Variants in ABCC4 observed in about 807,000 individuals in gnomAD.
The protein encoded by ABCC4 is ATP binding cassette subfamily C member 4 (PEL blood group), also known as ATP-binding cassette sub-family C member 4.
ABCC4 carries 102 observed loss-of-function variants against 168.5 expected under a neutral mutation model. The ratio of observed to expected loss-of-function variants is 0.61; its 90% CI spans 0.52 to 0.71. The LOEUF (loss-of-function observed/expected upper bound fraction) is 0.71, where lower values mean the gene tolerates loss of function less well. ABCC4 is among the 30% of genes least tolerant of loss of function. The pLI, the probability that ABCC4 is intolerant of heterozygous loss-of-function variation, is 0.00. For missense variants in ABCC4, 1,402 were observed against 1,605.8 expected, an observed-to-expected ratio of 0.87 and a Z score of 2.17; for synonymous variants, 617 against 590.7, an observed-to-expected ratio of 1.04 and a Z score of -0.65.
chr13:95,209,489 G>C lies in ABCC4; in HGVS notation c.730C>G (p.Leu244Val), dbSNP rs1370867054. The C allele has an allele frequency of 3.1e-5, 50 of 1,614,194 alleles. No homozygotes were observed. Among genetic ancestry groups the C allele is most frequent in the Non-Finnish European group, 4.2e-5 (49 of 1,180,014 alleles). ...GISCLAGMAV[L>V]IILLPLQSCF... ...CTTTGCAAGGGCAGGAGAATGATTA[G>C]AACTGCCATCCCAGCAAGGCACGAT... Residue 244 changes from leucine to valine, a missense_variant, in exon 6 of 31, where the codon CTA (leucine) becomes GTA (valine). Coordinates refer to ENST00000645237, the MANE Select transcript of ABCC4 (RefSeq NM_005845.5).
At chr13:95,245,654 G>A (rs1160224029) in intron 3 of ABCC4, among the ~76,000 whole-genome samples, 1 of 152,058 alleles carries the variant, frequency 6.6e-6, no homozygotes, top group African/African-American at 2.4e-5. Context: ...GGCAGGGCGG[G>A]TACCCTCTCA....
chr13:95,212,610 AAG>A (rs1566533249), intron 4 of ABCC4, among the ~76,000 whole-genome samples: 1 of 152,148 alleles, frequency 6.6e-6, no homozygotes, highest in African/African-American at 2.4e-5. Flanking sequence ...GAAAAAGACA[AAG>A]TTCTTCTGGG....
At chr13:95,031,343 T>C (rs535515797) in intron 30 of ABCC4, among the ~76,000 whole-genome samples, 2 of 152,316 alleles carry the variant, frequency 1.3e-5, no homozygotes, top group East Asian at 3.9e-4. Flanking sequence ...ACTAGCTGCA[T>C]CTTGGATACC....
intron 4 of ABCC4, among the ~76,000 whole-genome samples, chr13:95,218,994 AGAAAG>A (rs2039233142): frequency 8.4e-5 from 9 of 106,880 alleles, no homozygotes; most frequent in Non-Finnish European, 1.6e-4. Context: ...AGAGTGAGAA[AGAAAG>A]AAAGAGTGAG....
At chr13:95,198,379 A>AAT (rs2038523209) in intron 8 of ABCC4, among the ~76,000 whole-genome samples, 1 of 152,238 alleles carries the variant, frequency 6.6e-6, no homozygotes, top group Admixed American at 6.5e-5. Flanking sequence ...ACTGGTCATT[A>AAT]AAGAAATGCA....
chr13:95,199,590 C>G (rs1355011565), intron 8 of ABCC4, among the ~76,000 whole-genome samples: 1 of 152,078 alleles, frequency 6.6e-6, no homozygotes, highest in Non-Finnish European at 1.5e-5. Flanking sequence ...TGACTAATCC[C>G]TCCTCTTGCC....
At chr13:95,168,580 C>T (rs1436477543) in intron 14 of ABCC4, among the ~76,000 whole-genome samples, 1 of 152,206 alleles carries the variant, frequency 6.6e-6, no homozygotes, top group African/African-American at 2.4e-5. Context: ...ATAATTAACA[C>T]TCGTTTTTGT....
At chr13:95,214,275 C>A (rs1168477788) in intron 4 of ABCC4, among the ~76,000 whole-genome samples, 2 of 151,808 alleles carry the variant, frequency 1.3e-5, no homozygotes, top group Non-Finnish European at 2.9e-5. Context: ...AGAAAAAGAA[C>A]AAAGACTGAA....
chr13:95,153,318 T>C (rs146536081), intron 19 of ABCC4, among the ~76,000 whole-genome samples: 225 of 152,322 alleles, frequency 1.5e-3, no homozygotes, highest in African/African-American at 5.2e-3. Context: ...TATTGGGATA[T>C]GCTACAAAGC....
chr13:95,111,092 CTA>C (rs1219073962), intron 20 of ABCC4, among the ~76,000 whole-genome samples: 3 of 151,676 alleles, frequency 2.0e-5, no homozygotes, highest in African/African-American at 4.8e-5. Flanking sequence ...CGCAAACATA[CTA>C]TGTTTTGAAT....
At position 95,166,608 on chromosome 13, in the gene ABCC4, C is replaced by T. The variant is rs1455727081; in HGVS notation, c.1825-241G>A. On this transcript the variant is annotated intron_variant, in intron 14 of 30. Transcript: ENST00000645237. Reference sequence around the variant, plus strand: ...AATGGTAATAGTGTGTTACAAATGGCGATTATTATCACACAGATGTTGGTG... The same window carrying T: ...AATGGTAATAGTGTGTTACAAATGGTGATTATTATCACACAGATGTTGGTG... 5.3e-5 allele frequency among the ~76,000 whole-genome samples: 8 copies of T among 152,064 alleles called. No individual in the cohort carries two copies. In the South Asian group the frequency reaches 6.2e-4, roughly 12 times the overall value.
chr13:95,151,825 A>T (rs1190791367), intron 19 of ABCC4, among the ~76,000 whole-genome samples: 1 of 152,222 alleles, frequency 6.6e-6, no homozygotes, highest in East Asian at 1.9e-4. Context: ...CCTGAGGCTA[A>T]GAGAAGTAAT....
chr13:95,054,014 G>A (rs1166742813), intron 26 of ABCC4: 2 of 91,156 alleles, frequency 2.2e-5, no homozygotes, highest in East Asian at 6.2e-4. Context: ...TGTCAGAATG[G>A]GACATCCTTT....
chr13:95,032,965 CTTTTTTTTTTTT>C (rs74329595), intron 30 of ABCC4, among the ~76,000 whole-genome samples: 1 of 86,238 alleles, frequency 1.2e-5, no homozygotes, highest in Non-Finnish European at 2.2e-5. Flanking sequence ...CACGCCTGGT[CTTTTTTTTTTTT>C]TTTTTTTTTT....
intron 30 of ABCC4, among the ~76,000 whole-genome samples, chr13:95,025,960 T>G (rs1446673882): frequency 6.6e-6 from 1 of 152,318 alleles, no homozygotes; most frequent in East Asian, 1.9e-4. Flanking sequence ...CTCACACCTG[T>G]AATCCCAGCA....
intron 20 of ABCC4, among the ~76,000 whole-genome samples, chr13:95,088,043 C>A (rs117609649): frequency 0.018 from 2,803 of 152,266 alleles, 99 homozygotes; most frequent in Admixed American, 0.098. Flanking sequence ...CTTTTGACAT[C>A]CAGCGCTGGT....
rs542949385 is a variant in ABCC4 at position 95,033,749 on chromosome 13, G to A, written c.3870+856C>T. ...GTGATCTTGGCCCACCGCAACCTCCGCCTCCTCGGTTCAAGTGATTCTTCT... is the reference window on the plus strand; with the variant it reads ...GTGATCTTGGCCCACCGCAACCTCCACCTCCTCGGTTCAAGTGATTCTTCT... On this transcript the variant is annotated intron_variant, in intron 30 of 30. Coordinates refer to ENST00000645237, the MANE Select transcript of ABCC4 (RefSeq NM_005845.5). Among the ~76,000 whole-genome samples, 157 of 149,356 alleles carry A rather than the reference G, an allele frequency of 1.1e-3. 1 individual carries two copies. The highest frequency in any genetic ancestry group is 3.2e-3 in the African/African-American group (128 of 40,378).
Position 95,267,083 on chromosome 13 carries a change from T to C in ABCC4, c.75-19330A>G, listed in dbSNP as rs61573998. Among the ~76,000 whole-genome samples, 447 of 152,166 alleles carry C rather than the reference T, an allele frequency of 2.9e-3. 2 individuals are homozygous for C. Among genetic ancestry groups the C allele is most frequent in the African/African-American group, 0.01 (422 of 41,536 alleles). On this transcript the variant is annotated intron_variant, in intron 1 of 30. Transcript: ENST00000645237. ...GTAGAGATGGGGTTTCACCATGTTA[T>C]GTTGGAAAGGCTGGTCTCAAACTCC...
At chr13:95,178,409 G>T (rs1171692145) in intron 11 of ABCC4, among the ~76,000 whole-genome samples, 4 of 152,194 alleles carry the variant, frequency 2.6e-5, no homozygotes, top group Non-Finnish European at 5.9e-5. Flanking sequence ...CACAGTGAGT[G>T]ACCTGACAAT....
Sources: gnomAD v4.1 joint callset for allele counts (sites outside exome capture counted in the v4.1 genomes callset) on GRCh38, gnomAD v4.1.1 for gene constraint, MANE v1.5 for transcripts, NCBI Gene and HGNC (gene_info 2026-07-23, HGNC 2026-07-21) for gene names.